The following ANKRD44 variants were observed in gnomAD, a reference collection of about 807,000 sequenced individuals.
ANKRD44 encodes serine/threonine-protein phosphatase 6 regulatory ankyrin repeat subunit B.
A neutral mutation model predicts 116.0 loss-of-function variants in ANKRD44; 35 were observed. The ratio of observed to expected loss-of-function variants is 0.30; its 90% CI spans 0.23 to 0.40. The LOEUF is 0.40. Ranked by LOEUF, ANKRD44 falls within the 10% of genes least tolerant of loss-of-function variation. ANKRD44 has a pLI of 1.00. For missense variants in ANKRD44, 1,014 were observed against 1,242.6 expected (o/e 0.82, Z 2.77); for synonymous variants, 435 against 461.8 (o/e 0.94, Z 0.74).
intron 2 of ANKRD44, among the ~76,000 whole-genome samples, chr2:197,153,453 C>T (rs1433396456): frequency 6.6e-6 from 1 of 152,026 alleles, no homozygotes; most frequent in African/African-American, 2.4e-5. Context: ...TGAACACATA[C>T]ACACAACAGG....
chr2:197,242,656 G>A (rs2082113004), intron 1 of ANKRD44, among the ~76,000 whole-genome samples: 1 of 152,206 alleles, frequency 6.6e-6, no homozygotes, highest in South Asian at 2.1e-4. Flanking sequence ...AGGCAATGCT[G>A]GAATGGTCCC....
chr2:197,211,376 T>C (rs748596417), intron 1 of ANKRD44, among the ~76,000 whole-genome samples: 2 of 152,096 alleles, frequency 1.3e-5, no homozygotes, highest in South Asian at 2.1e-4. Flanking sequence ...CCTCCAACTA[T>C]CCCCATTCTG....
rs185904451 is a variant in ANKRD44, at chr2:197,235,337, C to T, written c.28-48231G>A. 4.8e-4 allele frequency among the ~76,000 whole-genome samples: 73 copies of T among 152,298 alleles called. 1 individual carries two copies. Among genetic ancestry groups the T allele is most frequent in the African/African-American group, 1.6e-3 (67 of 41,546 alleles). On this transcript the variant is annotated intron_variant, in intron 1 of 27. Transcript: ENST00000282272. ...GGCTCAAAAGTAGTGTAAGATCCAG[C>T]CAGGCACGGTGGCTCACGCCTGTAA... is the stretch of plus-strand genomic sequence containing the variant.
intron 4 of ANKRD44, among the ~76,000 whole-genome samples, chr2:197,129,122 CTTTG>C (rs951980491): frequency 5.3e-5 from 8 of 151,454 alleles, no homozygotes; most frequent in African/African-American, 9.7e-5. Flanking sequence ...CCTTCAAAGC[CTTTG>C]TTTGTTTCTT....
chr2:197,091,296 C>T (rs931395919), intron 10 of ANKRD44, among the ~76,000 whole-genome samples: 2 of 152,224 alleles, frequency 1.3e-5, no homozygotes, highest in Admixed American at 6.5e-5. Flanking sequence ...CACCCCAGTT[C>T]CCATGCTCAT....
At chr2:197,118,372 G>C (rs1393250124) in intron 8 of ANKRD44, among the ~76,000 whole-genome samples, 1 of 151,552 alleles carries the variant, frequency 6.6e-6, no homozygotes, top group East Asian at 2.0e-4. Flanking sequence ...TGGATTGCTT[G>C]AGCTCAGGAG....
intron 16 of ANKRD44, among the ~76,000 whole-genome samples, chr2:197,039,655 G>C (rs1036156839): frequency 6.7e-6 from 1 of 148,530 alleles, no homozygotes; most frequent in Non-Finnish European, 1.5e-5. Flanking sequence ...CATTACATGT[G>C]TGTGGTGGTG....
At chr2:197,075,503 T>C (rs961558908) in intron 16 of ANKRD44, among the ~76,000 whole-genome samples, 1 of 152,182 alleles carries the variant, frequency 6.6e-6, no homozygotes, top group Non-Finnish European at 1.5e-5. Flanking sequence ...TACATGTTTG[T>C]GGGCAGATTT....
At chr2:197,181,081 T>C (rs1409523958) in intron 2 of ANKRD44, among the ~76,000 whole-genome samples, 1 of 152,184 alleles carries the variant, frequency 6.6e-6, no homozygotes, top group East Asian at 1.9e-4. Context: ...CTTAGCAACA[T>C]AAGCTTAGCT....
At position 197,180,116 on chromosome 2, in the gene ANKRD44, G is replaced by A. The variant is rs113574135; in HGVS notation, c.111+6907C>T. On this transcript the variant is annotated intron_variant, in intron 2 of 27. Coordinates refer to ENST00000282272, the MANE Select transcript of ANKRD44 (RefSeq NM_001195144.2). ...CAGAAACAGTGTCAACGTTTAAAGT[G>A]CAGGCCACTGCTCTTCCCAGAACAC... Among the ~76,000 whole-genome samples the A allele has an allele frequency of 6.7e-5, 10 of 149,184 alleles. 1 individual carries two copies. The highest frequency in any genetic ancestry group is 2.2e-4 in the African/African-American group (9 of 40,662).
At chr2:197,291,108 C>T (rs1164489552) in intron 1 of ANKRD44, among the ~76,000 whole-genome samples, 1 of 152,142 alleles carries the variant, frequency 6.6e-6, no homozygotes, top group Admixed American at 6.5e-5. Flanking sequence ...ACTTAGGAGG[C>T]TGATGTGACA....
At chr2:197,077,604 A>T (rs1483283094) in intron 16 of ANKRD44, among the ~76,000 whole-genome samples, 1 of 152,232 alleles carries the variant, frequency 6.6e-6, no homozygotes, top group Admixed American at 6.6e-5. Flanking sequence ...TTTGGGATGC[A>T]TTCCAAAATA....
chr2:197,192,284 C>T (rs188323250), intron 1 of ANKRD44, among the ~76,000 whole-genome samples: 7 of 152,332 alleles, frequency 4.6e-5, no homozygotes, highest in East Asian at 3.9e-4. Context: ...GCCCAAGCAG[C>T]ATCCAGGGAT....
rs562025600 is a variant in ANKRD44, at chr2:197,303,367, C to G, written c.27+7211G>C. ...CAAAGAAACGAAGGCCAGGACTTAC[C>G]CCAAACCATACAACAGTTAGAAGAA... is the stretch of plus-strand genomic sequence containing the variant. On this transcript the variant is annotated intron_variant, in intron 1 of 27. Coordinates refer to ENST00000282272, the MANE Select transcript of ANKRD44 (RefSeq NM_001195144.2). Among the ~76,000 whole-genome samples the G allele has an allele frequency of 6.3e-3, 963 of 152,256 alleles. 6 individuals are homozygous for G. The highest frequency in any genetic ancestry group is 0.01 in the Non-Finnish European group (684 of 68,020).
At chr2:197,117,412 G>A (rs1298170235) in intron 8 of ANKRD44, among the ~76,000 whole-genome samples, 11 of 152,076 alleles carry the variant, frequency 7.2e-5, no homozygotes, top group Admixed American at 7.2e-4. Context: ...GCTAATTTTT[G>A]TATTTTTAGT....
chr2:197,290,864 G>A (rs925772606), intron 1 of ANKRD44, among the ~76,000 whole-genome samples: 4 of 151,930 alleles, frequency 2.6e-5, no homozygotes, highest in African/African-American at 9.7e-5. Flanking sequence ...CCAGGCTGGA[G>A]TGCAGTGGTG....
intron 16 of ANKRD44, among the ~76,000 whole-genome samples, chr2:197,061,198 C>T (rs1294722295): frequency 4.6e-5 from 7 of 152,184 alleles, no homozygotes; most frequent in African/African-American, 1.4e-4. Flanking sequence ...GCTTACAGAT[C>T]TTGTAGCTAG....
intron 2 of ANKRD44, among the ~76,000 whole-genome samples, chr2:197,150,415 G>A (rs1293747068): frequency 6.6e-6 from 1 of 152,154 alleles, no homozygotes; most frequent in Non-Finnish European, 1.5e-5. Context: ...CGGGCATGGT[G>A]GAGGGCGCCT....
intron 10 of ANKRD44, among the ~76,000 whole-genome samples, chr2:197,097,796 T>C (rs1471965444): frequency 6.6e-6 from 1 of 152,220 alleles, no homozygotes; most frequent in Non-Finnish European, 1.5e-5. Flanking sequence ...CACAACCTGT[T>C]CTACGCCCAC....
Sources: allele counts gnomAD v4.1 joint callset (sites outside exome capture counted in the v4.1 genomes callset), GRCh38; gene constraint gnomAD v4.1.1; transcripts MANE v1.5; gene names NCBI Gene and HGNC (gene_info 2026-07-23, HGNC 2026-07-21).